The following TAF3 variants were observed in gnomAD, a reference collection of about 807,000 sequenced individuals.
TAF3 encodes transcription initiation factor TFIID subunit 3.
TAF3 carries 7 observed loss-of-function variants against 80.6 expected under a neutral mutation model. That is an observed-to-expected ratio of 0.09 (90% confidence interval 0.05 to 0.16). The LOEUF (loss-of-function observed/expected upper bound fraction) is 0.16, where lower values mean the gene tolerates loss of function less well. Ranked by LOEUF, TAF3 falls within the 10% of genes least tolerant of loss-of-function variation. The pLI is 1.00. For synonymous variants in TAF3, 444 were observed against 446.1 expected, an observed-to-expected ratio of 1.00 and a Z score of 0.06; for missense variants, 921 against 1,140.2, an observed-to-expected ratio of 0.81 and a Z score of 2.77.
intron 2 of TAF3, among the ~76,000 whole-genome samples, chr10:7,840,755 A>C (rs1454751996): frequency 1.3e-5 from 2 of 152,074 alleles, no homozygotes; most frequent in African/African-American, 2.4e-5. Flanking sequence ...CTTGAATTTG[A>C]ATCTGAAATT....
intron 4 of TAF3, among the ~76,000 whole-genome samples, chr10:7,988,571 T>TAAAAAAAAA (rs1564378159): frequency 4.5e-5 from 1 of 22,090 alleles, no homozygotes; most frequent in Admixed American, 8.1e-4. Context: ...AGACCCTGTC[T>TAAAAAAAAA]CAAAAAAAAA....
At chr10:7,948,942 G>A (rs1345890377) in intron 2 of TAF3, among the ~76,000 whole-genome samples, 1 of 152,228 alleles carries the variant, frequency 6.6e-6, no homozygotes, top group African/African-American at 2.4e-5. Flanking sequence ...AGGGAAAAAA[G>A]CAAGTGTAGG....
chr10:7,933,110 T>A (rs11255449), intron 2 of TAF3, among the ~76,000 whole-genome samples: 1,854 of 149,262 alleles, frequency 0.012, 47 homozygotes, highest in African/African-American at 0.043. Context: ...AAAAAAAAAA[T>A]ACCTGGCTAC....
At chr10:7,883,885 T>G (rs1331051060) in intron 2 of TAF3, among the ~76,000 whole-genome samples, 1 of 152,206 alleles carries the variant, frequency 6.6e-6, no homozygotes, top group East Asian at 1.9e-4. Flanking sequence ...CTACATCTAG[T>G]GAGAGCCTTC....
Position 8,001,718 on chromosome 10 carries a change from CTAAT to C in TAF3, c.2316-7358_2316-7355del, listed in dbSNP as rs1831944868. Among the ~76,000 whole-genome samples the C allele has an allele frequency of 2.6e-5, 4 of 152,026 alleles. No homozygotes were observed. The South Asian group carries it at 6.2e-4, about 24-fold the overall frequency. Reference sequence around the variant, plus strand: ...TTTTTATGGTTTTGTTTTCTTTTACCTAATTTTTAAGACGTTTAGAATTTATGGT... The same window carrying C: ...TTTTTATGGTTTTGTTTTCTTTTACCTTTTAAGACGTTTAGAATTTATGGT... On this transcript the variant is annotated intron_variant, in intron 4 of 6. Coordinates refer to ENST00000344293, the MANE Select transcript of TAF3 (RefSeq NM_031923.4).
At chr10:7,934,525 A>T (rs1181007336) in intron 2 of TAF3, among the ~76,000 whole-genome samples, 1 of 152,060 alleles carries the variant, frequency 6.6e-6, no homozygotes, top group Non-Finnish European at 1.5e-5. Context: ...GCTCATTGCA[A>T]CCTTTGCTTT....
intron 2 of TAF3, among the ~76,000 whole-genome samples, chr10:7,846,121 G>A (rs1271639214): frequency 6.6e-6 from 1 of 152,024 alleles, no homozygotes; most frequent in Non-Finnish European, 1.5e-5. Flanking sequence ...ACCACGCCTA[G>A]CTAATTTTTT....
At chr10:7,959,142 AC>A (rs1838165073) in intron 2 of TAF3, among the ~76,000 whole-genome samples, 2 of 56,490 alleles carry the variant, frequency 3.5e-5, no homozygotes, top group Admixed American at 2.7e-4. Context: ...TCTGTCTCAC[AC>A]ACACACACAC....
chr10:7,848,048 G>A (rs1002707034), intron 2 of TAF3, among the ~76,000 whole-genome samples: 1 of 152,204 alleles, frequency 6.6e-6, no homozygotes, highest in African/African-American at 2.4e-5. Flanking sequence ...GGGATTACAG[G>A]CATGAGCCAC....
rs552863035 is a variant in TAF3 at position 7,887,802 on chromosome 10, A to C, written c.409+63242A>C. Among the ~76,000 whole-genome samples, 68 of 151,990 alleles carry C rather than the reference A, an allele frequency of 4.5e-4. 1 individual carries two copies. In the South Asian group the frequency reaches 0.014, roughly 31 times the overall value. ...CTTTTGGTTTATTAAAATCCTTTAT[A>C]ATTTTAATTGGCCACTTAAAAAAAA... On this transcript the variant is annotated intron_variant, in intron 2 of 6. Coordinates refer to ENST00000344293, the MANE Select transcript of TAF3 (RefSeq NM_031923.4).
At chr10:7,845,802 G>A (rs571666974) in intron 2 of TAF3, among the ~76,000 whole-genome samples, 1 of 152,142 alleles carries the variant, frequency 6.6e-6, no homozygotes, top group South Asian at 2.1e-4. Flanking sequence ...TTTAACTTAT[G>A]TGAATAGCAT....
chr10:7,944,093 TTGTGTGTGTGTGTGTGTG>T (rs35219363), intron 2 of TAF3, among the ~76,000 whole-genome samples: 41 of 137,176 alleles, frequency 3.0e-4, no homozygotes, highest in East Asian at 6.5e-4. Context: ...ATGTTCATGC[TTGTGTGTGTGTGTGTGTG>T]TGTGTGTGTG....
At chr10:7,888,919 G>A (rs757725841) in intron 2 of TAF3, among the ~76,000 whole-genome samples, 131 of 152,240 alleles carry the variant, frequency 8.6e-4, no homozygotes, top group Non-Finnish European at 1.2e-3. Context: ...CACTTCCTCC[G>A]GTGTATATTG....
Position 7,985,780 on chromosome 10 carries a change from C to CTT in TAF3, c.2315+8477_2315+8478dup, listed in dbSNP as rs71477297. On this transcript the variant is annotated intron_variant, in intron 4 of 6. Coordinates refer to ENST00000344293, the MANE Select transcript of TAF3 (RefSeq NM_031923.4). The stretch of plus-strand genomic sequence containing the variant: ...AGACTCAGTCTCTCATTCTCTCTCT[C>CTT]TTTTTTTTTTTTTTTTTTTTTGAGA... 9.1e-3 allele frequency among the ~76,000 whole-genome samples: 982 copies of CTT among 107,944 alleles called. 35 individuals carry two copies. The highest frequency in any genetic ancestry group is 0.025 in the African/African-American group (740 of 29,636). The allele number at this position is 107,944 out of a possible 152,430, so 70.8% of individuals were successfully genotyped here.
At chr10:7,958,122 A>G (rs1312026475) in intron 2 of TAF3, among the ~76,000 whole-genome samples, 1 of 152,136 alleles carries the variant, frequency 6.6e-6, no homozygotes, top group Non-Finnish European at 1.5e-5. Flanking sequence ...ATTATTATGA[A>G]ACTGAAATTC....
chr10:7,990,837 C>A (rs1285723282), intron 4 of TAF3, among the ~76,000 whole-genome samples: 1 of 152,130 alleles, frequency 6.6e-6, no homozygotes, highest in Non-Finnish European at 1.5e-5. Context: ...ATCCCATAGA[C>A]CTCCTCACAG....
intron 4 of TAF3, among the ~76,000 whole-genome samples, chr10:7,980,856 A>G (rs540261028): frequency 4.6e-5 from 7 of 152,320 alleles, no homozygotes; most frequent in South Asian, 2.1e-4. Context: ...AGCAGGCACC[A>G]GGTTATTTGT....
intron 4 of TAF3, among the ~76,000 whole-genome samples, chr10:8,004,979 A>C (rs35135595): frequency 0.061 from 9,294 of 152,172 alleles, 355 homozygotes; most frequent in South Asian, 0.14. Flanking sequence ...TTGTCCTAAT[A>C]CTCAGTTTAT....
intron 3 of TAF3, among the ~76,000 whole-genome samples, chr10:7,974,021 G>A (rs562428547): frequency 2.0e-5 from 3 of 152,026 alleles, no homozygotes; most frequent in African/African-American, 7.2e-5. Context: ...CCAGCTACTC[G>A]GGAGGCTGAG....
Sources: gnomAD v4.1 joint callset for allele counts (sites outside exome capture counted in the v4.1 genomes callset) on GRCh38, gnomAD v4.1.1 for gene constraint, MANE v1.5 for transcripts, NCBI Gene and HGNC (gene_info 2026-07-23, HGNC 2026-07-21) for gene names.